Variants in CADPS2 observed in about 807,000 individuals in gnomAD.
CADPS2 encodes calcium dependent secretion activator 2.
Under a neutral mutation model 172.5 loss-of-function variants are expected in CADPS2, and 93 were observed. The observed-to-expected ratio is 0.54, with a 90% CI of 0.46 to 0.64. The LOEUF is 0.64. CADPS2 is among the 30% of genes least tolerant of loss of function. CADPS2 has a pLI of 0.00. For synonymous variants in CADPS2, 546 were observed against 555.2 expected (o/e 0.98, Z 0.23); for missense variants, 1,420 against 1,565.9 (o/e 0.91, Z 1.57).
At chr7:122,325,693 C>T in intron 28 of CADPS2, 112 bp from the exon 29 acceptor site, 1 of 651,346 alleles carries the variant, frequency 1.5e-6, no homozygotes, top group Non-Finnish European at 2.8e-6. Flanking sequence ...TCTGAAATGA[C>T]CACAGATCAG....
chr7:122,727,933 C>A (rs2091271001), intron 2 of CADPS2, among the ~76,000 whole-genome samples: 1 of 151,850 alleles, frequency 6.6e-6, no homozygotes, highest in African/African-American at 2.4e-5. Context: ...TTTAGAATAT[C>A]ACTTCTCATT....
At chr7:122,434,954 T>A (rs1243146380) in intron 17 of CADPS2, among the ~76,000 whole-genome samples, 2 of 152,228 alleles carry the variant, frequency 1.3e-5, no homozygotes, top group Admixed American at 6.6e-5. Flanking sequence ...GATTGGTGGA[T>A]ATGCTTAAAA....
intron 1 of CADPS2, among the ~76,000 whole-genome samples, chr7:122,840,901 T>A (rs1057026169): frequency 1.8e-4 from 27 of 152,048 alleles, no homozygotes; most frequent in Non-Finnish European, 2.8e-4. Context: ...TAATAAAAAA[T>A]TGCAGTCTCT....
intron 20 of CADPS2, among the ~76,000 whole-genome samples, chr7:122,398,311 T>C (rs1182975276): frequency 1.3e-5 from 2 of 152,206 alleles, no homozygotes; most frequent in Admixed American, 6.5e-5. Flanking sequence ...AATTCATATA[T>C]TGTTTTTAGG....
chr7:122,786,851 G>C (rs10493126), intron 1 of CADPS2, among the ~76,000 whole-genome samples: 30,175 of 151,966 alleles, frequency 0.2, 3,120 homozygotes, highest in Middle Eastern at 0.3. Flanking sequence ...AAAAAGATGT[G>C]TGTGGAACTG....
intron 2 of CADPS2, among the ~76,000 whole-genome samples, chr7:122,712,345 T>C (rs1426731304): frequency 1.3e-5 from 2 of 152,150 alleles, no homozygotes; most frequent in African/African-American, 2.4e-5. Flanking sequence ...CTTAGTTGTT[T>C]TTCATATTCC....
chr7:122,374,721 C>T (rs2042149142), intron 25 of CADPS2, among the ~76,000 whole-genome samples: 3 of 151,948 alleles, frequency 2.0e-5, no homozygotes, highest in East Asian at 1.9e-4. Context: ...TGGGGCCTGT[C>T]GGGGGCTGTG....
chr7:122,476,996 GGGAGAGGAGAGGAGAGGAGAGGAGA>G (rs1208335745), intron 12 of CADPS2, among the ~76,000 whole-genome samples: 20 of 48,030 alleles, frequency 4.2e-4, no homozygotes, highest in African/African-American at 1.1e-3. Context: ...GGGAGGGGAG[GGGAGAGGAGAGGAGAGGAGAGGAGA>G]GGAGAGGAGA....
chr7:122,715,531 C>CT (rs1428999748), intron 2 of CADPS2, among the ~76,000 whole-genome samples: 1 of 152,080 alleles, frequency 6.6e-6, no homozygotes, highest in East Asian at 1.9e-4. Context: ...AAAAGACTCT[C>CT]TTTTCTGTAC....
At chr7:122,821,980 T>C (rs1803436582) in intron 1 of CADPS2, among the ~76,000 whole-genome samples, 1 of 151,996 alleles carries the variant, frequency 6.6e-6, no homozygotes, top group Non-Finnish European at 1.5e-5. Context: ...CCCAAAAAAC[T>C]TGTCATCCCT....
At chr7:122,701,400 T>C (rs1453328657) in intron 2 of CADPS2, among the ~76,000 whole-genome samples, 2 of 151,086 alleles carry the variant, frequency 1.3e-5, no homozygotes, top group African/African-American at 4.9e-5. Context: ...TGAGAACACA[T>C]GGACACAGGA....
At chr7:122,881,541 A>C (rs543895286) in intron 1 of CADPS2, among the ~76,000 whole-genome samples, 1 of 152,250 alleles carries the variant, frequency 6.6e-6, no homozygotes, top group South Asian at 2.1e-4. Flanking sequence ...AAAGCAGCAA[A>C]TATCACAACC....
chr7:122,608,797 T>C (rs2073929499), intron 6 of CADPS2, among the ~76,000 whole-genome samples: 2 of 152,186 alleles, frequency 1.3e-5, no homozygotes, highest in Admixed American at 6.5e-5. Flanking sequence ...TTTTTTTCTC[T>C]AACAAATGTT....
intron 5 of CADPS2, among the ~76,000 whole-genome samples, chr7:122,620,612 A>G (rs1397834671): frequency 1.3e-5 from 2 of 152,208 alleles, no homozygotes; most frequent in Non-Finnish European, 2.9e-5. Flanking sequence ...TGGAGAACAC[A>G]ATTTTAAATG....
At chr7:122,701,868 A>G in intron 2 of CADPS2, 1 of 1,611,818 alleles carries the variant, frequency 6.2e-7, no homozygotes, top group Non-Finnish European at 8.5e-7. Context: ...CACATGGGAC[A>G]TGTCCTATGG....
intron 8 of CADPS2, among the ~76,000 whole-genome samples, chr7:122,517,216 G>A (rs571661792): frequency 3.5e-4 from 53 of 152,068 alleles, no homozygotes; most frequent in Non-Finnish European, 5.7e-4. Flanking sequence ...ATTGCTGTAC[G>A]TAGTTAATAT....
intron 17 of CADPS2, among the ~76,000 whole-genome samples, chr7:122,420,232 G>A (rs1563292609): frequency 6.6e-6 from 1 of 152,080 alleles, no homozygotes; most frequent in Non-Finnish European, 1.5e-5. Flanking sequence ...CACAAGTATG[G>A]AATAATAGAA....
intron 1 of CADPS2, among the ~76,000 whole-genome samples, chr7:122,821,106 C>A (rs1036238452): frequency 6.6e-6 from 1 of 151,988 alleles, no homozygotes; most frequent in African/African-American, 2.4e-5. Context: ...TTCAATCCAG[C>A]CTCCCACATT....
intron 2 of CADPS2, among the ~76,000 whole-genome samples, chr7:122,734,123 T>C (rs985237192): frequency 4.0e-5 from 6 of 151,764 alleles, no homozygotes; most frequent in Non-Finnish European, 8.8e-5. Flanking sequence ...ATGAGGTCCT[T>C]AGCTCTGCTT....
Sources: allele counts gnomAD v4.1 joint callset (sites outside exome capture counted in the v4.1 genomes callset), GRCh38; gene constraint gnomAD v4.1.1; transcripts MANE v1.5; gene names NCBI Gene and HGNC (gene_info 2026-07-23, HGNC 2026-07-21).